The following CFDP1 variants were observed in gnomAD, a reference collection of about 807,000 sequenced individuals.
CFDP1 encodes chromatin remodeling protein CFDP1.
Under a neutral mutation model 40.1 loss-of-function variants are expected in CFDP1, and 31 were observed. The ratio of observed to expected loss-of-function variants is 0.77; its 90% CI spans 0.58 to 1.04. The LOEUF is 1.04. Among genes scored for constraint, CFDP1 ranks in the 50% least tolerant of loss-of-function variants. The pLI, the probability that CFDP1 is intolerant of heterozygous loss-of-function variation, is 0.00. For synonymous variants in CFDP1, 167 were observed against 120.0 expected (o/e 1.39, Z -2.56); for missense variants, 423 against 343.4 (o/e 1.23, Z -1.83).
chr16:75,334,407 G>A (rs80315939), intron 5 of CFDP1, among the ~76,000 whole-genome samples: 2,323 of 150,852 alleles, frequency 0.015, 59 homozygotes, highest in African/African-American at 0.052. Flanking sequence ...AGCCCGAAGT[G>A]CTCTAGAGAA....
At chr16:75,384,265 G>A (rs145490559) in intron 5 of CFDP1, among the ~76,000 whole-genome samples, 10,593 of 152,154 alleles carry the variant, frequency 0.07, 476 homozygotes, top group Non-Finnish European at 0.097. Flanking sequence ...GCTAAGGCAG[G>A]AGAATTCCTT....
chr16:75,333,726 A>G (rs1409647883), intron 5 of CFDP1, among the ~76,000 whole-genome samples: 1 of 152,248 alleles, frequency 6.6e-6, no homozygotes, highest in Non-Finnish European at 1.5e-5. Context: ...AGAATTAGGA[A>G]GGGAAGTCCT....
chr16:75,399,164 C>A (rs892325957), intron 4 of CFDP1, among the ~76,000 whole-genome samples: 1 of 152,078 alleles, frequency 6.6e-6, no homozygotes, highest in East Asian at 1.9e-4. Flanking sequence ...CCTAGCTGAG[C>A]CCAGCCACCC....
chr16:75,384,299 G>C (rs1429732410), intron 5 of CFDP1, among the ~76,000 whole-genome samples: 1 of 152,144 alleles, frequency 6.6e-6, no homozygotes, highest in African/African-American at 2.4e-5. Flanking sequence ...GGAGGTTGCA[G>C]TGAGCCGAGC....
chr16:75,389,005 T>C (rs10514396), intron 5 of CFDP1, among the ~76,000 whole-genome samples: 75,389 of 151,810 alleles, frequency 0.5, 20,169 homozygotes, highest in Admixed American at 0.63. Flanking sequence ...TTAAGTTATA[T>C]TGCTTTAGGT....
chr16:75,354,488 T>TA (rs199509696), intron 5 of CFDP1, among the ~76,000 whole-genome samples: 68 of 149,964 alleles, frequency 4.5e-4, no homozygotes, highest in South Asian at 1.3e-3. Flanking sequence ...GCCTTGGTGT[T>TA]AAAAAAAAAA....
intron 5 of CFDP1, among the ~76,000 whole-genome samples, chr16:75,348,148 C>T (rs966409359): frequency 2.0e-5 from 3 of 152,194 alleles, no homozygotes; most frequent in Non-Finnish European, 2.9e-5. Context: ...CAAGGTCTCA[C>T]TTACTATGTT....
intron 5 of CFDP1, among the ~76,000 whole-genome samples, chr16:75,331,692 T>C (rs2078446975): frequency 1.1e-5 from 1 of 91,092 alleles, no homozygotes; most frequent in Non-Finnish European, 2.5e-5. Flanking sequence ...TTTGAGTTCA[T>C]CCATGTTGTG....
At chr16:75,404,995 T>C (rs2079086272) in intron 4 of CFDP1, among the ~76,000 whole-genome samples, 1 of 152,178 alleles carries the variant, frequency 6.6e-6, no homozygotes, top group Non-Finnish European at 1.5e-5. Context: ...GCTATTCAAG[T>C]TTTGACTGCA....
intron 5 of CFDP1, among the ~76,000 whole-genome samples, chr16:75,384,093 T>C (rs2078873114): frequency 6.6e-6 from 1 of 152,200 alleles, no homozygotes; most frequent in African/African-American, 2.4e-5. Flanking sequence ...CTGGGCGCAG[T>C]GGCTCACATC....
chr16:75,330,996 G>A (rs1486236529), intron 5 of CFDP1, among the ~76,000 whole-genome samples: 1 of 148,092 alleles, frequency 6.8e-6, no homozygotes. Context: ...CACAAAGTGG[G>A]CCTTATTCAC....
At chr16:75,325,801 T>A (rs2078397109) in intron 5 of CFDP1, among the ~76,000 whole-genome samples, 2 of 152,204 alleles carry the variant, frequency 1.3e-5, no homozygotes, top group African/African-American at 2.4e-5. Context: ...TTGGCTAACC[T>A]CTTAGTTGCT....
intron 6 of CFDP1, among the ~76,000 whole-genome samples, chr16:75,299,893 G>C (rs1192704125): frequency 6.6e-6 from 1 of 152,150 alleles, no homozygotes; most frequent in Non-Finnish European, 1.5e-5. Context: ...CATCCGCATA[G>C]AGCCCTGGAT....
intron 4 of CFDP1, among the ~76,000 whole-genome samples, chr16:75,409,071 C>G (rs1036938802): frequency 1.1e-4 from 17 of 151,818 alleles, no homozygotes; most frequent in Non-Finnish European, 2.4e-4. Flanking sequence ...GTTGTTCAGG[C>G]TGGTCTCGAA....
intron 1 of CFDP1, chr16:75,418,998 T>C: frequency 6.8e-6 from 2 of 294,790 alleles, no homozygotes; most frequent in African/African-American, 2.2e-5. Flanking sequence ...AAAAAATTAG[T>C]CAGGCATGGT....
At chr16:75,429,667 A>G (rs1032373164) in intron 1 of CFDP1, among the ~76,000 whole-genome samples, 13 of 152,200 alleles carry the variant, frequency 8.5e-5, no homozygotes, top group Admixed American at 4.6e-4. Flanking sequence ...ATAAATAAGT[A>G]AATACACTGG....
intron 1 of CFDP1, among the ~76,000 whole-genome samples, chr16:75,424,538 G>C (rs34841467): frequency 1.3e-5 from 2 of 151,866 alleles, no homozygotes; most frequent in Non-Finnish European, 2.9e-5. Context: ...GGCGGATCAC[G>C]AGGTCAGGAG....
chr16:75,385,614 T>C (rs1182381791), intron 5 of CFDP1, among the ~76,000 whole-genome samples: 1 of 152,122 alleles, frequency 6.6e-6, no homozygotes, highest in Non-Finnish European at 1.5e-5. Flanking sequence ...GAGACGAATC[T>C]AATAAGGCAA....
chr16:75,337,836 G>A (rs2078500278), intron 5 of CFDP1, among the ~76,000 whole-genome samples: 1 of 152,132 alleles, frequency 6.6e-6, no homozygotes, highest in African/African-American at 2.4e-5. Context: ...CAAGAGATTT[G>A]GGCGGGGCAC....
Sources: gnomAD v4.1 joint callset for allele counts (sites outside exome capture counted in the v4.1 genomes callset) on GRCh38, gnomAD v4.1.1 for gene constraint, MANE v1.5 for transcripts, NCBI Gene and HGNC (gene_info 2026-07-23, HGNC 2026-07-21) for gene names.